The following RBFOX1 variants were observed in gnomAD, a reference collection of about 807,000 sequenced individuals.
RBFOX1 encodes RNA binding fox-1 homolog 1.
Under a neutral mutation model 57.7 loss-of-function variants are expected in RBFOX1, and 8 were observed. The observed-to-expected ratio is 0.14, with a 90% CI of 0.08 to 0.25. The LOEUF (loss-of-function observed/expected upper bound fraction) is 0.25, where lower values mean the gene tolerates loss of function less well. Ranked by LOEUF, RBFOX1 falls within the 10% of genes least tolerant of loss-of-function variation. The pLI is 1.00. For synonymous variants in RBFOX1, 326 were observed against 222.4 expected (o/e 1.47, Z -4.15); for missense variants, 611 against 548.5 (o/e 1.11, Z -1.14).
intron 2 of RBFOX1, among the ~76,000 whole-genome samples, chr16:5,585,296 G>A (rs1159782523): frequency 1.3e-5 from 2 of 152,080 alleles, no homozygotes; most frequent in Admixed American, 6.6e-5. Context: ...CTTTTGTTTA[G>A]CATAATGTTT....
intron 3 of RBFOX1, among the ~76,000 whole-genome samples, chr16:6,954,741 C>A (rs761782884): frequency 1.3e-5 from 2 of 152,096 alleles, no homozygotes; most frequent in Non-Finnish European, 2.9e-5. Context: ...CCCCAGAGAA[C>A]ATGCCCTCCA....
intron 1 of RBFOX1, among the ~76,000 whole-genome samples, chr16:6,032,067 G>A (rs972015373): frequency 1.3e-5 from 2 of 151,864 alleles, no homozygotes; most frequent in African/African-American, 4.8e-5. Context: ...TGTTTTCAAG[G>A]ATTGTATTAG....
At chr16:7,259,697 T>A (rs912000291) in intron 4 of RBFOX1, among the ~76,000 whole-genome samples, 1 of 152,200 alleles carries the variant, frequency 6.6e-6, no homozygotes, top group African/African-American at 2.4e-5. Flanking sequence ...TTTTCTGATG[T>A]TTATACATCA....
chr16:5,266,206 A>C (rs4378615), intron 1 of RBFOX1, among the ~76,000 whole-genome samples: 2,223 of 152,262 alleles, frequency 0.015, 79 homozygotes, highest in Admixed American at 0.079. Flanking sequence ...CACTGCTGAC[A>C]TTTTGGCTCA....
chr16:6,923,014 G>C (rs1390960718), intron 3 of RBFOX1, among the ~76,000 whole-genome samples: 1 of 152,208 alleles, frequency 6.6e-6, no homozygotes, highest in Non-Finnish European at 1.5e-5. Context: ...TCTATAGGCA[G>C]TGTATAAGCA....
intron 2 of RBFOX1, among the ~76,000 whole-genome samples, chr16:5,575,293 A>G (rs1441676141): frequency 3.3e-5 from 5 of 152,174 alleles, no homozygotes; most frequent in Admixed American, 1.3e-4. Context: ...TATCGTCGTC[A>G]TCATCATCAT....
chr16:6,964,121 G>A (rs978596393), intron 3 of RBFOX1, among the ~76,000 whole-genome samples: 5 of 151,632 alleles, frequency 3.3e-5, no homozygotes, highest in East Asian at 1.9e-4. Flanking sequence ...CGAATCAAGC[G>A]ATTCTCCTGC....
intron 4 of RBFOX1, among the ~76,000 whole-genome samples, chr16:7,427,541 A>C (rs1361038442): frequency 6.6e-6 from 1 of 152,166 alleles, no homozygotes; most frequent in Non-Finnish European, 1.5e-5. Context: ...CTGAGACATT[A>C]GGCCATCCTT....
intron 2 of RBFOX1, among the ~76,000 whole-genome samples, chr16:6,439,760 G>A (rs2094328157): frequency 1.3e-5 from 2 of 152,046 alleles, no homozygotes; most frequent in African/African-American, 4.8e-5. Context: ...ATCTTTCCCT[G>A]GGAGATGTCC....
chr16:6,259,729 G>A (rs575662328), intron 1 of RBFOX1, among the ~76,000 whole-genome samples: 3 of 152,152 alleles, frequency 2.0e-5, no homozygotes, highest in Admixed American at 6.5e-5. Context: ...AAGCCAAGGC[G>A]GATGGATCAC....
intron 2 of RBFOX1, among the ~76,000 whole-genome samples, chr16:6,453,136 A>C (rs2094675575): frequency 6.6e-6 from 1 of 151,724 alleles, no homozygotes; most frequent in African/African-American, 2.4e-5. Flanking sequence ...TCATCCTTTT[A>C]ACTTCTGGGA....
intron 4 of RBFOX1, among the ~76,000 whole-genome samples, chr16:7,336,066 C>T (rs1025579155): frequency 6.6e-6 from 1 of 152,196 alleles, no homozygotes; most frequent in African/African-American, 2.4e-5. Flanking sequence ...AACCAATGTA[C>T]TACTTAACAC....
At chr16:5,772,437 G>C (rs2054011301) in intron 3 of RBFOX1, among the ~76,000 whole-genome samples, 1 of 152,164 alleles carries the variant, frequency 6.6e-6, no homozygotes, top group Non-Finnish European at 1.5e-5. Context: ...TTCCTGCTTA[G>C]ATCCTCAGGT....
chr16:5,436,262 GACA>G (rs1394770980), intron 1 of RBFOX1, among the ~76,000 whole-genome samples: 1 of 152,188 alleles, frequency 6.6e-6, no homozygotes, highest in Admixed American at 6.5e-5. Context: ...CTTCAACAGT[GACA>G]ACGACAAATA....
intron 3 of RBFOX1, among the ~76,000 whole-genome samples, chr16:5,836,644 G>A (rs549194611): frequency 6.6e-6 from 1 of 152,284 alleles, no homozygotes; most frequent in Non-Finnish European, 1.5e-5. Flanking sequence ...TTTGCACTGT[G>A]GACGTTTGGG....
At chr16:6,236,715 T>C (rs2097507603) in intron 1 of RBFOX1, among the ~76,000 whole-genome samples, 1 of 152,188 alleles carries the variant, frequency 6.6e-6, no homozygotes. Context: ...ACTCCTAAAG[T>C]GCTGGGATTA....
chr16:6,800,854 C>G (rs887250089), intron 3 of RBFOX1, among the ~76,000 whole-genome samples: 1 of 151,928 alleles, frequency 6.6e-6, no homozygotes, highest in South Asian at 2.1e-4. Flanking sequence ...TTTTCATTTT[C>G]TTCTGGTTGT....
At chr16:7,443,362 C>A (rs1373472482) in intron 4 of RBFOX1, among the ~76,000 whole-genome samples, 1 of 151,866 alleles carries the variant, frequency 6.6e-6, no homozygotes, top group Non-Finnish European at 1.5e-5. Flanking sequence ...CCCCTCCTGT[C>A]TCACACACTC....
At chr16:5,312,878 G>C (rs969678594) in intron 1 of RBFOX1, among the ~76,000 whole-genome samples, 3 of 152,216 alleles carry the variant, frequency 2.0e-5, no homozygotes, top group African/African-American at 7.2e-5. Flanking sequence ...GGACACTGCA[G>C]ATTGCAGGAT....
Sources: allele counts gnomAD v4.1 joint callset (sites outside exome capture counted in the v4.1 genomes callset), GRCh38; gene constraint gnomAD v4.1.1; transcripts MANE v1.5; gene names NCBI Gene and HGNC (gene_info 2026-07-23, HGNC 2026-07-21).